Variants in DMRT2 observed in about 807,000 individuals in gnomAD.
DMRT2 encodes the protein doublesex and mab-3 related transcription factor 2, also known as doublesex- and mab-3-related transcription factor 2.
Under a neutral mutation model 43.5 loss-of-function variants are expected in DMRT2, and 33 were observed. That is an observed-to-expected ratio of 0.76 (90% confidence interval 0.58 to 1.01). The LOEUF is 1.01. DMRT2 is among the 50% of genes least tolerant of loss of function. The probability of loss-of-function intolerance (pLI) is 0.00; values close to 1 mark genes in which losing one functional copy is unlikely to be tolerated. For missense variants in DMRT2, 1,064 were observed against 748.0 expected, an observed-to-expected ratio of 1.42 and a Z score of -4.93; for synonymous variants, 395 against 309.2, an observed-to-expected ratio of 1.28 and a Z score of -2.91.
intron 3 of DMRT2, 59 bp downstream of exon 3, chr9:1,053,883 C>A: frequency 7.2e-7 from 1 of 1,383,114 alleles, no homozygotes; most frequent in Non-Finnish European, 1.0e-6. Flanking sequence ...TCTCATTAAT[C>A]AGCACAAAGT....
Position 1,056,208 on chromosome 9 carries a change from TC to T in DMRT2, c.629-7del. The T allele has an allele frequency of 6.3e-7, 1 of 1,586,268 alleles. No individual in the cohort carries two copies. The highest frequency in any genetic ancestry group is 8.5e-7 in the Non-Finnish European group (1 of 1,170,634). ...ATCTCTTTCATGTGCAATCTTTGCT[TC>T]TTGTAGGCTATCGCCCCATTCCAGC... On this transcript the variant is annotated splice_polypyrimidine_tract_variant and splice_region_variant and intron_variant, in intron 3 of 3. Coordinates refer to ENST00000358146, the MANE Select transcript of DMRT2 (RefSeq NM_181872.6).
In DMRT2 at chr9:1,050,750, C is replaced by T. The variant is rs1254518268; in HGVS notation, c.-70C>T. 1 of 152,304 alleles carries T rather than the reference C, an allele frequency of 6.6e-6. No individual in the cohort carries two copies. The highest frequency in any genetic ancestry group is 1.5e-5 in the Non-Finnish European group (1 of 68,096). The allele number at this position is 152,304 out of a possible 1,614,324, so 9.4% of individuals were successfully genotyped here. On this transcript the variant is annotated 5_prime_UTR_variant, in exon 1 of 4. Transcript: ENST00000358146. Reference sequence around the variant, plus strand: ...TAAAGCTGGATATCTTTTAACTGGGCTACCAGCCCGGGCCTCAAAGTTTTG... The same window carrying T: ...TAAAGCTGGATATCTTTTAACTGGGTTACCAGCCCGGGCCTCAAAGTTTTG...
At position 1,056,488 on chromosome 9, in the gene DMRT2, A is replaced by G; in HGVS notation, c.901A>G (p.Asn301Asp). ...GGAACCACCAAGCAAGGACTTCTGTAATTTTTTGCCCACCTGCCTTGATTT... is the reference window on the plus strand; with the variant it reads ...GGAACCACCAAGCAAGGACTTCTGTGATTTTTTGCCCACCTGCCTTGATTT... ...PVEPPSKDFC[N>D]FLPTCLDLTM... is the part of the protein sequence containing the mutation. Residue 301 changes from asparagine (N) to aspartate (D), a missense_variant, in exon 4 of 4, where the codon AAT (asparagine) becomes GAT (aspartate). Physicochemically the swap from Asn to Asp is conservative, Grantham distance 23. Transcript: ENST00000358146. 1 of 1,614,164 alleles carries G rather than the reference A, an allele frequency of 6.2e-7. No individual in the cohort carries two copies. The highest frequency in any genetic ancestry group is 8.5e-7 in the Non-Finnish European group (1 of 1,180,016).
At chr9:1,053,926 G>A (rs1821791100) in intron 3 of DMRT2, 102 bp downstream of exon 3, 1 of 955,360 alleles carries the variant, frequency 1.0e-6, no homozygotes, top group Non-Finnish European at 1.5e-6. Flanking sequence ...GCTATCTAAA[G>A]GGAAAGTACT....
chr9:1,051,932 C>T lies in DMRT2; in HGVS notation c.319C>T (p.Pro107Ser), dbSNP rs1025050036. The change falls in exon 2 of 4, where the codon CCC (proline) becomes TCC (serine). Residue 107 changes from proline to serine, a missense_variant. By Grantham distance (74) the Pro-to-Ser change is moderately conservative. Transcript: ENST00000358146. The surrounding 1 kb of genome is among the most constrained non-coding windows in gnomAD (Gnocchi z 5.9). The stretch of plus-strand genomic sequence containing the variant: ...CACCGGTCCCCGAGAGCGCTGCACT[C>T]CCGCGGGCGGCGGCGCGGAGCCGCG... ...AGTGPRERCT[P>S]AGGGAEPRKL... The T allele has an allele frequency of 2.9e-6, 4 of 1,364,186 alleles. No homozygotes were observed. The highest frequency in any genetic ancestry group is 3.7e-6 in the Non-Finnish European group (4 of 1,068,008). 84.5% of individuals were successfully genotyped at this position (1,364,186 alleles called of 1,614,324 possible).
intron 2 of DMRT2, 85 bp downstream of exon 2, chr9:1,052,223 C>T: frequency 1.7e-6 from 2 of 1,149,512 alleles, no homozygotes; most frequent in South Asian, 4.8e-5. Context: ...CCACACCCCC[C>T]GCGCCCAGGG....
chr9:1,053,232 A>G (rs1821735086), intron 2 of DMRT2: 1 of 153,016 alleles, frequency 6.5e-6, no homozygotes, highest in Non-Finnish European at 1.5e-5. Context: ...GGAGACCCTC[A>G]TCTCTTCATT....
Position 1,051,420 on chromosome 9 carries a change from G to C in DMRT2, c.-44-150G>C. On this transcript the variant is annotated intron_variant, in intron 1 of 3. Transcript: ENST00000358146. This position sits in a 1 kb window ranked among gnomAD's most constrained non-coding sequence, Gnocchi z 5.9. ...TGGGGGCCCTGGAGATACAGGAAAG[G>C]CACGTGTGGCCTGGAAGTGAGGGAC... The C allele has an allele frequency of 3.4e-6, 3 of 876,176 alleles. No homozygotes were observed. Among genetic ancestry groups the C allele is most frequent in the Non-Finnish European group, 4.7e-6 (3 of 632,014 alleles). 54.3% of individuals were successfully genotyped at this position (876,176 alleles called of 1,614,324 possible).
Position 1,052,101 on chromosome 9 carries a change from C to T in DMRT2, c.488C>T (p.Ala163Val). The change falls in exon 2 of 4, where the codon GCC becomes GTC. Residue 163 changes from alanine to valine, a missense_variant. Coordinates refer to ENST00000358146, the MANE Select transcript of DMRT2 (RefSeq NM_181872.6). The part of the protein sequence containing the change: ...LLVVERQRVM[A>V]AQVALRRQQA... ...GTGGTGGAGCGGCAGCGCGTCATGG[C>T]CGCCCAGGTGGCGCTCCGGAGGCAG... The T allele has an allele frequency of 7.0e-7, 1 of 1,438,708 alleles. No individual in the cohort carries two copies. The highest frequency in any genetic ancestry group is 9.1e-7 in the Non-Finnish European group (1 of 1,102,588). 89.1% of individuals were successfully genotyped at this position (1,438,708 alleles called of 1,614,324 possible).
chr9:1,051,503 G>C lies in DMRT2; in HGVS notation c.-44-67G>C. On this transcript the variant is annotated intron_variant, in intron 1 of 3. Transcript: ENST00000358146. This position sits in a 1 kb window ranked among gnomAD's most constrained non-coding sequence, Gnocchi z 5.9. ...GAGGCGGGCAGACCAGGAGCTTTGG[G>C]CCGGAGGCTCAGGGATGGTCCCTGA... 1 of 1,403,778 alleles carries C rather than the reference G, an allele frequency of 7.1e-7. No individual in the cohort carries two copies. Among genetic ancestry groups the C allele is most frequent in the South Asian group, 1.6e-5 (1 of 64,156 alleles). 87.0% of individuals were successfully genotyped at this position (1,403,778 alleles called of 1,614,324 possible).
At position 1,052,096 on chromosome 9, in the gene DMRT2, C is replaced by G; in HGVS notation, c.483C>G (p.Val161=). Reference sequence around the variant, plus strand: ...TGCTGGTGGTGGAGCGGCAGCGCGTCATGGCCGCCCAGGTGGCGCTCCGGA... The same window carrying G: ...TGCTGGTGGTGGAGCGGCAGCGCGTGATGGCCGCCCAGGTGGCGCTCCGGA... ...NCLLVVERQR[V]MAAQVALRRQ... Residue 161 remains valine (V), a synonymous_variant, in exon 2 of 4, where the codon GTC becomes GTG. Coordinates refer to ENST00000358146, the MANE Select transcript of DMRT2 (RefSeq NM_181872.6). 1 of 1,442,710 alleles carries G rather than the reference C, an allele frequency of 6.9e-7. No individual in the cohort carries two copies. The allele number at this position is 1,442,710 out of a possible 1,614,324, so 89.4% of individuals were successfully genotyped here.
rs1272357443 is a variant in DMRT2, at chr9:1,057,430, TTTC to T, written c.*160_*162del. On this transcript the variant is annotated 3_prime_UTR_variant, in exon 4 of 4. Transcript: ENST00000358146. ...ATATATTCCTAATATGCATGTACTT[TTTC>T]TTATCACATATATTTAAACTTACAG... 3.7e-5 allele frequency: 28 copies of T among 760,072 alleles called. No individual in the cohort carries two copies. Among genetic ancestry groups the T allele is most frequent in the Non-Finnish European group, 5.0e-5 (25 of 496,110 alleles). The allele number at this position is 760,072 out of a possible 1,614,324, so 47.1% of individuals were successfully genotyped here. A position where few individuals can be genotyped will look rare whatever the true frequency, so the allele number is the denominator to read the frequency against.
intron 3 of DMRT2, among the ~76,000 whole-genome samples, chr9:1,055,279 A>G (rs1301909615): frequency 1.3e-5 from 2 of 152,226 alleles, no homozygotes; most frequent in Non-Finnish European, 2.9e-5. Context: ...CTTCAAACAA[A>G]TATGACAGAG....
In DMRT2 at chr9:1,053,711, T is replaced by G; in HGVS notation, c.526-11T>G. The G allele has an allele frequency of 6.2e-7, 1 of 1,608,420 alleles. No individual in the cohort carries two copies. The highest frequency in any genetic ancestry group is 8.5e-7 in the Non-Finnish European group (1 of 1,176,814). On this transcript the variant is annotated splice_polypyrimidine_tract_variant and intron_variant, in intron 2 of 3. Transcript: ENST00000358146. ...TCAGGGCATTATTGATGATGTTTCT[T>G]GTGTTTACAGGACAAGAAGGGGCTT...
chr9:1,056,820 G>C lies in DMRT2; in HGVS notation c.1233G>C (p.Gln411His), dbSNP rs763426492. ...SLVLPHTPEI[Q>H]TTRSDLQGHQ... ...TGCTGCCTCACACTCCTGAGATCCAGACCACGAGAAGTGACCTTCAGGGTC... is the reference window on the plus strand; with the variant it reads ...TGCTGCCTCACACTCCTGAGATCCACACCACGAGAAGTGACCTTCAGGGTC... Residue 411 changes from glutamine (Q) to histidine (H), a missense_variant, in exon 4 of 4, where the codon CAG becomes CAC. Gln to His is a conservative substitution (Grantham distance 24). Coordinates refer to ENST00000358146, the MANE Select transcript of DMRT2 (RefSeq NM_181872.6). The C allele has an allele frequency of 5.6e-5, 91 of 1,614,038 alleles. No homozygotes were observed. The highest frequency in any genetic ancestry group is 7.5e-5 in the Non-Finnish European group (88 of 1,180,038).
intron 3 of DMRT2, chr9:1,054,702 CG>C (rs1821851878): frequency 1.9e-5 from 2 of 108,064 alleles, no homozygotes; most frequent in South Asian, 5.5e-4. Flanking sequence ...TATTTTTAAC[CG>C]TTTCTCTTTA....
In DMRT2 at chr9:1,051,637, C is replaced by A; in HGVS notation, c.24C>A (p.Ser8=). The part of the protein sequence containing the change: MADPQAG[S]AAGDWEIDVE... ...CCATGGCCGACCCGCAGGCTGGCTC[C>A]GCGGCCGGGGACTGGGAGATCGATG... The change falls in exon 2 of 4, where the codon TCC becomes TCA. Residue 8 remains serine (S), a synonymous_variant. Coordinates refer to ENST00000358146, the MANE Select transcript of DMRT2 (RefSeq NM_181872.6). This position sits in a 1 kb window ranked among gnomAD's most constrained non-coding sequence, Gnocchi z 5.9. The A allele has an allele frequency of 3.2e-6, 5 of 1,563,948 alleles. No homozygotes were observed. The highest frequency in any genetic ancestry group is 4.3e-6 in the Non-Finnish European group (5 of 1,164,306).
intron 3 of DMRT2, among the ~76,000 whole-genome samples, chr9:1,055,397 C>A (rs967642078): frequency 6.6e-6 from 1 of 152,144 alleles, no homozygotes; most frequent in Non-Finnish European, 1.5e-5. Flanking sequence ...CGTGCGATGA[C>A]TTAGCCTGTG....
intron 2 of DMRT2, 127 bp from the exon 3 acceptor site, chr9:1,053,595 G>A: frequency 1.2e-6 from 1 of 844,368 alleles, no homozygotes; most frequent in South Asian, 1.8e-5. Flanking sequence ...TTTTCACACG[G>A]AATGGGAAAA....
Sources: gnomAD v4.1 joint callset for allele counts (sites outside exome capture counted in the v4.1 genomes callset) on GRCh38, gnomAD v4.1.1 for gene constraint, Gnocchi (gnomAD v3.1) non-coding constraint, MANE v1.5 for transcripts, NCBI Gene and HGNC (gene_info 2026-07-23, HGNC 2026-07-21) for gene names.